ZC4H2: variants seen among roughly 807,000 people sequenced by gnomAD.
The protein encoded by ZC4H2 is zinc finger C4H2-type containing, also known as zinc finger C4H2 domain-containing protein.
For missense variants in ZC4H2, 137 were observed against 173.9 expected, an observed-to-expected ratio of 0.79 and a Z score of 1.19; for synonymous variants, 84 against 66.3, an observed-to-expected ratio of 1.27 and a Z score of -1.30.
chrX:64,942,422 C>T (rs1416963743), intron 1 of ZC4H2, among the ~76,000 whole-genome samples: 1 of 110,047 alleles, frequency 9.1e-6, no homozygotes, highest in African/African-American at 3.3e-5. Context: ...AGGTGGTTTG[C>T]TGCACCCATC....
chrX:65,003,071 A>T (rs1932579351), intron 1 of ZC4H2, among the ~76,000 whole-genome samples: 1 of 110,953 alleles, frequency 9.0e-6, no homozygotes, highest in Admixed American at 9.6e-5. Context: ...AAAAAAGAAA[A>T]ATAATGCAAT....
In ZC4H2 at chrX:64,968,677, A is replaced by G. The variant is rs181023267; in HGVS notation, c.53+7648T>C. On this transcript the variant is annotated intron_variant, in intron 1 of 4. Transcript: ENST00000374839. Reference sequence around the variant, plus strand: ...GCACAGCTAGTATGACTCGTGAACCACAGGGAAACCACAGGGTTTTCAGGG... The same window carrying G: ...GCACAGCTAGTATGACTCGTGAACCGCAGGGAAACCACAGGGTTTTCAGGG... 8.1e-5 allele frequency among the ~76,000 whole-genome samples: 9 copies of G among 111,602 alleles called. No individual in the cohort carries two copies. In the Admixed American group the frequency reaches 8.6e-4, roughly 11 times the overall value.
At chrX:65,002,366 G>C (rs1264520223) in intron 1 of ZC4H2, among the ~76,000 whole-genome samples, 3 of 106,387 alleles carry the variant, frequency 2.8e-5, no homozygotes, top group Non-Finnish European at 5.9e-5. Flanking sequence ...GTCAGCCCCC[G>C]CCCGGCCAGC....
upstream of ZC4H2, among the ~76,000 whole-genome samples, chrX:64,980,597 A>G (rs1932063099): frequency 8.9e-6 from 1 of 112,337 alleles, no homozygotes; most frequent in Non-Finnish European, 1.9e-5. Flanking sequence ...CTTTGCATGT[A>G]TTAAGTTAGT....
chrX:64,927,950 C>A (rs781058669), intron 1 of ZC4H2, among the ~76,000 whole-genome samples: 1 of 112,163 alleles, frequency 8.9e-6, no homozygotes, highest in South Asian at 3.7e-4. Context: ...CTGTTCATAT[C>A]CTTCACCCAC....
chrX:64,945,134 G>C (rs1033197960), intron 1 of ZC4H2, among the ~76,000 whole-genome samples: 2 of 112,934 alleles, frequency 1.8e-5, no homozygotes, highest in African/African-American at 6.4e-5. Context: ...GCGAGGAGTT[G>C]TGATCCTTTG....
At chrX:64,971,903 G>A (rs905178903) in intron 1 of ZC4H2, among the ~76,000 whole-genome samples, 1 of 111,398 alleles carries the variant, frequency 9.0e-6, no homozygotes, top group African/African-American at 3.3e-5. Context: ...GTACATCGGG[G>A]TGTGAGTGTA....
intron 2 of ZC4H2, among the ~76,000 whole-genome samples, chrX:64,921,024 G>A (rs1378173436): frequency 8.9e-6 from 1 of 112,095 alleles, no homozygotes; most frequent in Non-Finnish European, 1.9e-5. Flanking sequence ...AGAATTCTGC[G>A]ATCTCTAACA....
intron 1 of ZC4H2, among the ~76,000 whole-genome samples, chrX:65,027,807 C>A (rs973352859): frequency 1.8e-5 from 2 of 111,592 alleles, no homozygotes; most frequent in Non-Finnish European, 3.8e-5. Flanking sequence ...GAATATAATG[C>A]CAAATGAGGT....
intron 1 of ZC4H2, among the ~76,000 whole-genome samples, chrX:65,023,796 C>T (rs984166930): frequency 5.4e-5 from 6 of 111,580 alleles, no homozygotes; most frequent in Non-Finnish European, 1.1e-4. Flanking sequence ...ACTATAAAGA[C>T]ACGTGCATAC....
At chrX:64,954,508 T>TTTTC (rs1256648026) in intron 1 of ZC4H2, among the ~76,000 whole-genome samples, 22 of 101,874 alleles carry the variant, frequency 2.2e-4, no homozygotes, top group Admixed American at 7.6e-4. Context: ...AAGAATGAAG[T>TTTTC]TTTCTTTTTA....
chrX:64,976,504 G>A (rs780368578), upstream of ZC4H2: 120 of 725,291 alleles, frequency 1.7e-4, no homozygotes, highest in East Asian at 3.1e-3. Context: ...GGCTTGGAGA[G>A]GCCTGGGAGC....
chrX:64,968,244 C>T (rs1931656055), intron 1 of ZC4H2, among the ~76,000 whole-genome samples: 1 of 111,856 alleles, frequency 8.9e-6, no homozygotes, highest in South Asian at 3.7e-4. Context: ...TTTATTTTCA[C>T]ACATGAAGAA....
intron 1 of ZC4H2, among the ~76,000 whole-genome samples, chrX:65,027,758 G>T (rs1484283605): frequency 8.9e-6 from 1 of 111,823 alleles, no homozygotes; most frequent in Non-Finnish European, 1.9e-5. Flanking sequence ...AAGAGACAGA[G>T]ATCAGGCAAA....
intron 1 of ZC4H2, among the ~76,000 whole-genome samples, chrX:65,005,463 G>A (rs749979650): frequency 4.1e-5 from 4 of 98,091 alleles, no homozygotes; most frequent in Middle Eastern, 4.8e-3. Context: ...AAAACCTGAC[G>A]CAAGCAAGCA....
chrX:64,987,350 T>C (rs1242457341), intron 1 of ZC4H2, among the ~76,000 whole-genome samples: 1 of 111,098 alleles, frequency 9.0e-6, no homozygotes, highest in Non-Finnish European at 1.9e-5. Flanking sequence ...ATTTATTAGA[T>C]AGCTACAGTA....
At chrX:65,008,640 G>T (rs1008979221) in intron 1 of ZC4H2, among the ~76,000 whole-genome samples, 3 of 112,363 alleles carry the variant, frequency 2.7e-5, no homozygotes, top group African/African-American at 9.7e-5. Context: ...CCATAAAAAA[G>T]AATGAAGTCA....
At chrX:65,030,417 C>G (rs1247654857) in intron 1 of ZC4H2, among the ~76,000 whole-genome samples, 1 of 111,827 alleles carries the variant, frequency 8.9e-6, no homozygotes, top group Non-Finnish European at 1.9e-5. Flanking sequence ...CTAGCTGACC[C>G]TTTATATTAT....
rs748097819 is a variant in ZC4H2, at chrX:64,921,813, G to A, written c.225+4C>T. 1.1e-5 allele frequency: 13 copies of A among 1,209,100 alleles called. No homozygotes were observed. The highest frequency in any genetic ancestry group is 2.3e-4 in the Middle Eastern group (1 of 4,288). Reference sequence around the variant, plus strand: ...TTAGAGATAGGCTCCAGGCAGCCACGTACCACATTGATGTCAGCGTGGATC... The same window carrying A: ...TTAGAGATAGGCTCCAGGCAGCCACATACCACATTGATGTCAGCGTGGATC... On this transcript the variant is annotated splice_donor_region_variant and intron_variant, in intron 2 of 4. Transcript: ENST00000374839.
Sources: allele counts gnomAD v4.1 joint callset (sites outside exome capture counted in the v4.1 genomes callset), GRCh38; gene constraint gnomAD v4.1.1; transcripts MANE v1.5; gene names NCBI Gene and HGNC (gene_info 2026-07-23, HGNC 2026-07-21).